The following CALN1 variants were observed in gnomAD, a reference collection of about 807,000 sequenced individuals.
CALN1 encodes the protein calneuron 1.
In CALN1, 17 loss-of-function variants were observed where a neutral mutation model predicts 30.6. That is an observed-to-expected ratio of 0.56 (90% CI 0.38 to 0.83). CALN1 has a LOEUF of 0.83. Among genes scored for constraint, CALN1 ranks in the 40% least tolerant of loss-of-function variants. CALN1 has a pLI of 0.00. For missense variants in CALN1, 291 were observed against 354.9 expected (o/e 0.82, Z 1.45); for synonymous variants, 156 against 131.4 (o/e 1.19, Z -1.28).
At chr7:71,816,038 A>G (rs1031139508) in intron 5 of CALN1, among the ~76,000 whole-genome samples, 6 of 146,904 alleles carry the variant, frequency 4.1e-5, no homozygotes, top group African/African-American at 1.5e-4. Flanking sequence ...TTTTTTTTTA[A>G]TTTTTTTTTT....
intron 5 of CALN1, 65 bp from the exon 6 acceptor site, chr7:71,810,557 T>G (rs1787889836): frequency 6.5e-7 from 1 of 1,549,540 alleles, no homozygotes. Context: ...GCTCGGGCCA[T>G]GACAGGCCAG....
chr7:71,811,105 C>CA (rs777627518), intron 5 of CALN1, among the ~76,000 whole-genome samples: 25 of 151,802 alleles, frequency 1.6e-4, no homozygotes, highest in Middle Eastern at 3.4e-3. Context: ...CCGTGTTGGC[C>CA]ATGCTGGTTT....
intron 4 of CALN1, among the ~76,000 whole-genome samples, chr7:72,079,761 CTTTTTTTTTTTTTTTTT>C (rs3065015): frequency 9.6e-6 from 1 of 104,038 alleles, no homozygotes; most frequent in Non-Finnish European, 1.8e-5. Context: ...TGCCTTTTTC[CTTTTTTTTTTTTTTTTT>C]TTTTTTTTTG....
intron 2 of CALN1, among the ~76,000 whole-genome samples, chr7:72,322,684 G>A (rs1800969102): frequency 6.6e-6 from 1 of 151,992 alleles, no homozygotes; most frequent in African/African-American, 2.4e-5. Context: ...GGGGAATGTG[G>A]GGGATGTGGG....
At chr7:72,145,619 T>C (rs1392367140) in intron 3 of CALN1, among the ~76,000 whole-genome samples, 2 of 152,350 alleles carry the variant, frequency 1.3e-5, no homozygotes, top group South Asian at 2.1e-4. Flanking sequence ...TAACTCATTT[T>C]ATGAAGCCAG....
At chr7:72,028,967 G>C (rs556160971) in intron 4 of CALN1, among the ~76,000 whole-genome samples, 117 of 152,144 alleles carry the variant, frequency 7.7e-4, no homozygotes, top group African/African-American at 2.7e-3. Flanking sequence ...CTCCAGCCTG[G>C]GTGAAAGAGC....
At chr7:72,098,762 G>GCACACACACACACACACA (rs1491515765) in intron 4 of CALN1, among the ~76,000 whole-genome samples, 3 of 115,294 alleles carry the variant, frequency 2.6e-5, no homozygotes, top group African/African-American at 1.0e-4. Context: ...CCCATTTGGC[G>GCACACACACACACACACA]CGCACACACA....
chr7:71,796,661 G>C (rs528794299), intron 6 of CALN1, among the ~76,000 whole-genome samples: 1 of 152,178 alleles, frequency 6.6e-6, no homozygotes, highest in Non-Finnish European at 1.5e-5. Flanking sequence ...TCCAGCTTAT[G>C]TTTCGTTTTT....
intron 4 of CALN1, among the ~76,000 whole-genome samples, chr7:72,096,549 G>C (rs1243742604): frequency 6.7e-6 from 1 of 150,240 alleles, no homozygotes; most frequent in East Asian, 2.0e-4. Flanking sequence ...GCTCACACCT[G>C]TAATCCCAGC....
At chr7:72,468,639 CAACT>C in the CALN1 span, among the ~76,000 whole-genome samples, 11 of 152,182 alleles carry the variant, frequency 7.2e-5, no homozygotes, top group African/African-American at 2.4e-4. Flanking sequence ...GAGGCACAAC[CAACT>C]GTTTTCCACA....
intron 5 of CALN1, among the ~76,000 whole-genome samples, chr7:71,876,848 C>T (rs1227842781): frequency 6.6e-6 from 1 of 152,188 alleles, no homozygotes; most frequent in Non-Finnish European, 1.5e-5. Flanking sequence ...CACATTATTA[C>T]TGTTATCAAT....
At chr7:71,873,299 C>T (rs73185028) in intron 5 of CALN1, among the ~76,000 whole-genome samples, 37,330 of 151,826 alleles carry the variant, frequency 0.25, 4,893 homozygotes, top group African/African-American at 0.32. Context: ...TGAGCCACCA[C>T]GCCCAGCCGA....
intron 4 of CALN1, among the ~76,000 whole-genome samples, chr7:72,078,715 C>A (rs568428707): frequency 1.3e-5 from 2 of 152,236 alleles, no homozygotes; most frequent in South Asian, 4.2e-4. Flanking sequence ...GCGGGCAGAC[C>A]ACCTGAGGTC....
chr7:72,309,887 T>C (rs1038718306), intron 2 of CALN1, among the ~76,000 whole-genome samples: 24 of 152,152 alleles, frequency 1.6e-4, no homozygotes, highest in African/African-American at 5.6e-4. Flanking sequence ...CGCTTCCCGC[T>C]TCAAGGCTAT....
Position 72,329,552 on chromosome 7 carries a change from G to C in CALN1, c.120-50742C>G, listed in dbSNP as rs146583047. ...AATGAACCCAGTTCATTCCTGCTTT[G>C]AGACTTTTGCACTGGCTGTTCCCAC... On this transcript the variant is annotated intron_variant, in intron 2 of 6. Coordinates refer to ENST00000395275, the MANE Select transcript of CALN1 (RefSeq NM_031468.4). Among the ~76,000 whole-genome samples the C allele has an allele frequency of 1.1e-4, 16 of 152,234 alleles. No individual in the cohort carries two copies. In the East Asian group the frequency reaches 3.1e-3, roughly 29 times the overall value.
intron 3 of CALN1, among the ~76,000 whole-genome samples, chr7:72,173,124 A>T (rs1170095155): frequency 1.3e-5 from 2 of 152,206 alleles, no homozygotes; most frequent in Non-Finnish European, 2.9e-5. Flanking sequence ...CATAGGATAC[A>T]AGGTTTATAT....
chr7:71,942,426 C>T (rs899159857), intron 5 of CALN1: 2 of 170,736 alleles, frequency 1.2e-5, no homozygotes, highest in South Asian at 3.2e-4. Context: ...GGGACGTGCT[C>T]ACCCTGTTGG....
intron 2 of CALN1, among the ~76,000 whole-genome samples, chr7:72,349,282 T>TGTG (rs1802800693): frequency 2.7e-5 from 4 of 147,750 alleles, no homozygotes; most frequent in African/African-American, 7.5e-5. Context: ...ACACGCGTGC[T>TGTG]TGTGTGTGTG....
intron 3 of CALN1, among the ~76,000 whole-genome samples, chr7:72,142,358 T>C (rs960131865): frequency 2.1e-4 from 32 of 152,284 alleles, no homozygotes; most frequent in Admixed American, 1.7e-3. Flanking sequence ...CCTACACCCA[T>C]GGAGCCTCAC....
Sources: gnomAD v4.1 joint callset for allele counts (sites outside exome capture counted in the v4.1 genomes callset) on GRCh38, gnomAD v4.1.1 for gene constraint, MANE v1.5 for transcripts, NCBI Gene and HGNC (gene_info 2026-07-23, HGNC 2026-07-21) for gene names.